ICE2: variants seen among roughly 807,000 people sequenced by gnomAD.
ICE2 encodes the protein interactor of little elongation complex ELL subunit 2.
Under a neutral mutation model 105.4 loss-of-function variants are expected in ICE2, and 87 were observed. That is an observed-to-expected ratio of 0.83 (90% CI 0.69 to 0.99). ICE2 has a LOEUF of 0.99. Ranked by LOEUF, ICE2 falls within the 50% of genes least tolerant of loss-of-function variation. The probability of loss-of-function intolerance (pLI) is 0.00; values close to 1 mark genes in which losing one functional copy is unlikely to be tolerated. For synonymous variants in ICE2, 399 were observed against 392.0 expected (o/e 1.02, Z -0.21); for missense variants, 1,323 against 1,146.7 (o/e 1.15, Z -2.22).
intron 9 of ICE2, chr15:60,451,930 A>T (rs1452114578): frequency 1.4e-5 from 4 of 295,928 alleles, no homozygotes; most frequent in African/African-American, 4.5e-5. Flanking sequence ...CAGCCCTACA[A>T]TTCCTCACTA....
intron 3 of ICE2, among the ~76,000 whole-genome samples, chr15:60,472,803 C>A (rs1031477767): frequency 6.6e-6 from 1 of 152,064 alleles, no homozygotes; most frequent in African/African-American, 2.4e-5. Context: ...GCCTGGGCAA[C>A]ATGGCAAGAC....
intron 5 of ICE2, among the ~76,000 whole-genome samples, chr15:60,461,624 T>A (rs1046399384): frequency 3.9e-5 from 6 of 152,216 alleles, no homozygotes; most frequent in East Asian, 1.9e-4. Context: ...AGTAATCGTA[T>A]TGATCACTAG....
Position 60,421,053 on chromosome 15 carries a change from T to G in ICE2, c.*2581A>C, listed in dbSNP as rs934924323. On this transcript the variant is annotated 3_prime_UTR_variant, in exon 16 of 16. Transcript: ENST00000261520. Reference sequence around the variant, plus strand: ...AAAAACAAGGCTATGAGAGAATAACTGTGGGGACCTACTTTGGAGTGCATG... The same window carrying G: ...AAAAACAAGGCTATGAGAGAATAACGGTGGGGACCTACTTTGGAGTGCATG... 1 of 151,998 alleles carries G rather than the reference T, an allele frequency of 6.6e-6. No homozygotes were observed. The highest frequency in any genetic ancestry group is 1.5e-5 in the Non-Finnish European group (1 of 68,024). 9.4% of individuals were successfully genotyped at this position (151,998 alleles called of 1,614,324 possible).
Position 60,449,345 on chromosome 15 carries a change from CTT to C in ICE2, c.1620_1621del (p.Arg541ThrfsTer2). The C allele has an allele frequency of 6.2e-7, 1 of 1,613,208 alleles. No individual in the cohort carries two copies. The highest frequency in any genetic ancestry group is 8.5e-7 in the Non-Finnish European group (1 of 1,179,952). On this transcript the variant is annotated frameshift_variant, in exon 10 of 16. Coordinates refer to ENST00000261520, the MANE Select transcript of ICE2 (RefSeq NM_024611.6). LOFTEE classifies it high-confidence loss of function. Reference sequence around the variant, plus strand: ...GTCTAGGTTTTCTAGAACATTAGGTCTTTCACCATCAGCATGTAATATATCTA... The same window carrying C: ...GTCTAGGTTTTCTAGAACATTAGGTCTCACCATCAGCATGTAATATATCTA...
At position 60,419,920 on chromosome 15, in the gene ICE2, T is replaced by G. The variant is rs1305051226; in HGVS notation, c.*3714A>C. The G allele has an allele frequency of 1.3e-5, 2 of 152,190 alleles. No homozygotes were observed. The highest frequency in any genetic ancestry group is 2.9e-5 in the Non-Finnish European group (2 of 68,036). The allele number at this position is 152,190 out of a possible 1,614,324, so 9.4% of individuals were successfully genotyped here. ...ACAAATTCTTTCCAAACTTCTCCCT[T>G]CAAGGGTGGAGCTTAAGTGTGGGCT... is the stretch of plus-strand genomic sequence containing the variant. On this transcript the variant is annotated 3_prime_UTR_variant, in exon 16 of 16. Transcript: ENST00000261520.
chr15:60,448,703 C>G, intron 10 of ICE2, 145 bp downstream of exon 10: 1 of 724,528 alleles, frequency 1.4e-6, no homozygotes. Flanking sequence ...AGCTGAAATA[C>G]TGATCAATAG....
Position 60,449,010 on chromosome 15 carries a change from C to T in ICE2, c.1957G>A (p.Asp653Asn). The change falls in exon 10 of 16, where the codon GAT becomes AAT. Residue 653 changes from aspartate to asparagine, a missense_variant. Physicochemically the swap from Asp to Asn is conservative, Grantham distance 23. Coordinates refer to ENST00000261520, the MANE Select transcript of ICE2 (RefSeq NM_024611.6). ...DPVGEILKMQ[D>N]ELLKPISRKV... ...CTGGAAATTGGCTTTAAGAGCTCAT[C>T]CTGCATTTTTAAAATCTCTCCAACT... is the stretch of plus-strand genomic sequence containing the variant. 1 of 1,613,776 alleles carries T rather than the reference C, an allele frequency of 6.2e-7. No individual in the cohort carries two copies. The highest frequency in any genetic ancestry group is 1.1e-5 in the South Asian group (1 of 91,046).
intron 5 of ICE2, among the ~76,000 whole-genome samples, chr15:60,460,686 T>C (rs1021971570): frequency 2.0e-5 from 3 of 152,204 alleles, no homozygotes; most frequent in Non-Finnish European, 4.4e-5. Flanking sequence ...CCTCTGGCTC[T>C]ACCCACTAGA....
intron 9 of ICE2, chr15:60,451,611 T>C: frequency 1.1e-5 from 11 of 985,086 alleles, no homozygotes; most frequent in Non-Finnish European, 1.3e-5. Context: ...CATTTTTACT[T>C]ACTTTTACCT....
At chr15:60,428,260 G>T (rs2063379902) in intron 15 of ICE2, among the ~76,000 whole-genome samples, 169 bp downstream of exon 15, 1 of 152,120 alleles carries the variant, frequency 6.6e-6, no homozygotes, top group Admixed American at 6.5e-5. Context: ...CTACCACGAA[G>T]ACTGGACTCA....
Position 60,455,780 on chromosome 15 carries a change from G to T in ICE2, c.667-338C>A, listed in dbSNP as rs575416006. Among the ~76,000 whole-genome samples the T allele has an allele frequency of 2.0e-5, 3 of 152,200 alleles. No homozygotes were observed. The East Asian group carries it at 5.8e-4, about 29-fold the overall frequency. ...TAACAGGTGTGTGCCAGCATGCCCA[G>T]CTAATTTTTGTATTTTTAGTAGGAA... On this transcript the variant is annotated intron_variant, in intron 6 of 15. Transcript: ENST00000261520.
At chr15:60,446,672 G>A (rs969181959) in intron 11 of ICE2, among the ~76,000 whole-genome samples, 2 of 152,122 alleles carry the variant, frequency 1.3e-5, no homozygotes, top group Non-Finnish European at 2.9e-5. Context: ...TGGGATTACA[G>A]GTGTGAGGCA....
intron 12 of ICE2, among the ~76,000 whole-genome samples, chr15:60,436,776 TATC>T (rs1566974969): frequency 6.6e-6 from 1 of 150,962 alleles, no homozygotes; most frequent in Non-Finnish European, 1.5e-5. Context: ...TGAGGAGAAT[TATC>T]ATAATTATGA....
Position 60,478,158 on chromosome 15 carries a change from T to C in ICE2, c.-92-89A>G, listed in dbSNP as rs2064819952. On this transcript the variant is annotated intron_variant, in intron 1 of 15. Coordinates refer to ENST00000261520, the MANE Select transcript of ICE2 (RefSeq NM_024611.6). ...GAGGAAGAATCTCTCCCTAAACATCTACCCTCAACAGACTGTGGCACCTAA... is the reference window on the plus strand; with the variant it reads ...GAGGAAGAATCTCTCCCTAAACATCCACCCTCAACAGACTGTGGCACCTAA... 9.7e-6 allele frequency: 6 copies of C among 616,218 alleles called. No individual in the cohort carries two copies. In the South Asian group the frequency reaches 1.1e-4, roughly 12 times the overall value. 38.2% of individuals were successfully genotyped at this position (616,218 alleles called of 1,614,324 possible).
intron 11 of ICE2, among the ~76,000 whole-genome samples, chr15:60,446,247 AT>A (rs2063819410): frequency 6.6e-6 from 1 of 152,252 alleles, no homozygotes; most frequent in Non-Finnish European, 1.5e-5. Context: ...TTAACAAAAG[AT>A]AAAAACATTA....
At chr15:60,457,162 C>A (rs1374824019) in intron 5 of ICE2, among the ~76,000 whole-genome samples, 1 of 152,018 alleles carries the variant, frequency 6.6e-6, no homozygotes, top group African/African-American at 2.4e-5. Flanking sequence ...TTCCCAAGCA[C>A]AATGAATTAA....
intron 14 of ICE2, among the ~76,000 whole-genome samples, chr15:60,430,851 A>G (rs1241255844): frequency 1.3e-5 from 2 of 152,204 alleles, no homozygotes; most frequent in Non-Finnish European, 2.9e-5. Flanking sequence ...CTTGCCATGG[A>G]TCTAAATGAC....
intron 11 of ICE2, among the ~76,000 whole-genome samples, chr15:60,446,658 G>C (rs957950706): frequency 6.6e-6 from 1 of 152,130 alleles, no homozygotes; most frequent in Non-Finnish European, 1.5e-5. Context: ...GCCTCCCAAA[G>C]TGCTGGGATT....
chr15:60,432,055 G>A, intron 13 of ICE2, 71 bp from the exon 14 acceptor site: 1 of 773,376 alleles, frequency 1.3e-6, no homozygotes. Flanking sequence ...TAGCTCCTCA[G>A]GCAGAGAAAT....
Sources: gnomAD v4.1 joint callset for allele counts (sites outside exome capture counted in the v4.1 genomes callset) on GRCh38, gnomAD v4.1.1 for gene constraint, MANE v1.5 for transcripts, NCBI Gene and HGNC (gene_info 2026-07-23, HGNC 2026-07-21) for gene names.